The following EPS8L1 variants were observed in gnomAD, a reference collection of about 807,000 sequenced individuals.
The protein encoded by EPS8L1 is epidermal growth factor receptor kinase substrate 8-like protein 1.
EPS8L1 carries 101 observed loss-of-function variants against 91.7 expected under a neutral mutation model. The observed-to-expected ratio is 1.10, with a 90% CI of 0.94 to 1.30. The LOEUF (loss-of-function observed/expected upper bound fraction) is 1.30, where lower values mean the gene tolerates loss of function less well. Among genes scored for constraint, EPS8L1 ranks in the 50% most tolerant of loss-of-function variants. The pLI is 0.00. For missense variants in EPS8L1, 1,114 were observed against 1,017.0 expected (o/e 1.10, Z -1.30); for synonymous variants, 506 against 445.3 (o/e 1.14, Z -1.72).
chr19:55,080,688 G>A (rs2076236800), intron 6 of EPS8L1, 84 bp from the exon 7 acceptor site: 3 of 1,572,918 alleles, frequency 1.9e-6, no homozygotes, highest in Non-Finnish European at 2.6e-6. Context: ...GGCTGGGACT[G>A]AGCTGAAAAA....
At position 55,086,899 on chromosome 19, in the gene EPS8L1, C is replaced by T; in HGVS notation, c.1952+11C>T. On this transcript the variant is annotated intron_variant, in intron 18 of 19. Coordinates refer to ENST00000201647, the MANE Select transcript of EPS8L1 (RefSeq NM_133180.3). ...GGGCTTTAGCTCCGGGTGAGTGGGG[C>T]CGGGGCCCTCTCGGCGCGGGTTGAT... The T allele has an allele frequency of 2.1e-6, 3 of 1,419,316 alleles. No homozygotes were observed. The highest frequency in any genetic ancestry group is 2.7e-6 in the Non-Finnish European group (3 of 1,091,752). 87.9% of individuals were successfully genotyped at this position (1,419,316 alleles called of 1,614,324 possible). A position where few individuals can be genotyped will look rare whatever the true frequency, so the allele number is the denominator to read the frequency against.
At position 55,083,781 on chromosome 19, in the gene EPS8L1, G is replaced by A. The variant is rs2076324130; in HGVS notation, c.1385+137G>A. On this transcript the variant is annotated intron_variant, in intron 14 of 19. Transcript: ENST00000201647. This position sits in a 1 kb window ranked among gnomAD's most constrained non-coding sequence, Gnocchi z 4.7. Reference sequence around the variant, plus strand: ...GCTCTTCTCAGGTGGGTGAGATGGTGATGGGGCGGGCCGGGGCTGGGAGAG... The same window carrying A: ...GCTCTTCTCAGGTGGGTGAGATGGTAATGGGGCGGGCCGGGGCTGGGAGAG... The A allele has an allele frequency of 1.3e-6, 1 of 768,298 alleles. No individual in the cohort carries two copies. Among genetic ancestry groups the A allele is most frequent in the South Asian group, 1.4e-5 (1 of 70,520 alleles). 47.6% of individuals were successfully genotyped at this position (768,298 alleles called of 1,614,324 possible). A position where few individuals can be genotyped will look rare whatever the true frequency, so the allele number is the denominator to read the frequency against.
At chr19:55,080,021 C>G (rs1361923822) in intron 5 of EPS8L1, 108 bp from the exon 6 acceptor site, 1 of 1,441,928 alleles carries the variant, frequency 6.9e-7, no homozygotes, top group South Asian at 1.4e-5. Flanking sequence ...TTATCCCTAA[C>G]CCCCTAACCG....
At chr19:55,087,126 A>C (rs2076361259) in intron 18 of EPS8L1, 177 bp from the exon 19 acceptor site, 1 of 1,138,966 alleles carries the variant, frequency 8.8e-7, no homozygotes, top group African/African-American at 1.6e-5. Flanking sequence ...GGATGCGGCC[A>C]CGCCCCCCGG....
In EPS8L1 at chr19:55,083,180, G is replaced by A. The variant is rs2076307219; in HGVS notation, c.1215-198G>A. ...CAAAATGCTGGGATTACAGGCGTGA[G>A]CCACCGTGCCCGGTCTAGAAATATA... On this transcript the variant is annotated intron_variant, in intron 12 of 19. Coordinates refer to ENST00000201647, the MANE Select transcript of EPS8L1 (RefSeq NM_133180.3). This position sits in a 1 kb window ranked among gnomAD's most constrained non-coding sequence, Gnocchi z 4.7. Among the ~76,000 whole-genome samples the A allele has an allele frequency of 6.6e-6, 1 of 152,222 alleles. No homozygotes were observed. Among genetic ancestry groups the A allele is most frequent in the African/African-American group, 2.4e-5 (1 of 41,448 alleles).
chr19:55,080,349 TG>T (rs2076228430), intron 6 of EPS8L1, 71 bp downstream of exon 6: 1 of 1,504,688 alleles, frequency 6.6e-7, no homozygotes, highest in Non-Finnish European at 8.9e-7. Context: ...CGGAAATGGG[TG>T]GGGCCTCTAG....
chr19:55,084,457 T>C (rs1427566740), intron 14 of EPS8L1: 1 of 150,920 alleles, frequency 6.6e-6, no homozygotes, highest in Non-Finnish European at 1.5e-5. Context: ...CTTGAGCAAA[T>C]AGAGGGCAGA....
intron 2 of EPS8L1, among the ~76,000 whole-genome samples, chr19:55,077,684 G>A (rs2147124396): frequency 6.7e-6 from 1 of 148,456 alleles, no homozygotes; most frequent in Middle Eastern, 3.4e-3. Flanking sequence ...CGCCTCCCAG[G>A]TTCAAGTGAT....
chr19:55,086,634 C>CGCCCCCCCCCCCCCCCCCCCGG, intron 17 of EPS8L1, 80 bp from the exon 18 acceptor site: 1 of 1,374,858 alleles, frequency 7.3e-7, no homozygotes, highest in Non-Finnish European at 9.8e-7. Context: ...GACGCTGGAG[C>CGCCCCCCCCCCCCCCCCCCCGG]GCCCCCCCGC....
intron 14 of EPS8L1, 186 bp from the exon 15 acceptor site, chr19:55,085,655 G>A (rs2076345138): frequency 1.6e-6 from 1 of 636,932 alleles, no homozygotes; most frequent in Non-Finnish European, 2.6e-6. Context: ...ACAGCACAAT[G>A]CCAAGCAACG....
chr19:55,082,193 C>T lies in EPS8L1; in HGVS notation c.990+13C>T. 1.3e-6 allele frequency: 2 copies of T among 1,592,030 alleles called. No individual in the cohort carries two copies. Among genetic ancestry groups the T allele is most frequent in the Non-Finnish European group, 1.7e-6 (2 of 1,168,842 alleles). On this transcript the variant is annotated intron_variant, in intron 10 of 19. Coordinates refer to ENST00000201647, the MANE Select transcript of EPS8L1 (RefSeq NM_133180.3). ...CTTCAGCCTGCTGGTGAGGACGCGC[C>T]CGCCCCTGGGCCGGGGCGCGGGCAC...
chr19:55,079,166 G>T, intron 4 of EPS8L1, 109 bp downstream of exon 4: 1 of 1,201,028 alleles, frequency 8.3e-7, no homozygotes, highest in South Asian at 1.2e-5. Flanking sequence ...CATGTGGAAA[G>T]TCAGTTTGCC....
Position 55,086,165 on chromosome 19 carries a change from C to T in EPS8L1, c.1623C>T (p.His541=). Residue 541 remains histidine, a synonymous_variant, in exon 16 of 20, where the codon CAC becomes CAT. Coordinates refer to ENST00000201647, the MANE Select transcript of EPS8L1 (RefSeq NM_133180.3). ...ILTPYPGPRL[H]HSQSPARSLN... is the part of the protein sequence containing the mutation. The stretch of plus-strand genomic sequence containing the variant: ...CACCCTACCCCGGACCCCGGCTGCA[C>T]CACAGCCAAAGCCCTGCCCGCAGCC... 10 of 1,603,512 alleles carry T rather than the reference C, an allele frequency of 6.2e-6. No homozygotes were observed. The highest frequency in any genetic ancestry group is 7.7e-6 in the Non-Finnish European group (9 of 1,174,268).
At position 55,079,676 on chromosome 19, in the gene EPS8L1, A is replaced by G. The variant is rs374069141; in HGVS notation, c.118-14A>G. Reference sequence around the variant, plus strand: ...CATCTTGGGCCTCACTGCTTTCTCCATGGTCCGTACCAGCACCTGGTGACG... The same window carrying G: ...CATCTTGGGCCTCACTGCTTTCTCCGTGGTCCGTACCAGCACCTGGTGACG... On this transcript the variant is annotated splice_polypyrimidine_tract_variant and intron_variant, in intron 4 of 19. Coordinates refer to ENST00000201647, the MANE Select transcript of EPS8L1 (RefSeq NM_133180.3). The G allele has an allele frequency of 2.0e-5, 33 of 1,610,664 alleles. No individual in the cohort carries two copies. In the African/African-American group the frequency reaches 3.7e-4, roughly 18 times the overall value.
rs749255194 is a variant in EPS8L1 at position 55,080,162 on chromosome 19, G to A, written c.313G>A (p.Val105Met). The change falls in exon 6 of 20, where the codon GTG becomes ATG. Residue 105 changes from valine (V) to methionine (M), a missense_variant. By Grantham distance (21) the Val-to-Met change is conservative (BLOSUM62 1). Transcript: ENST00000201647. Reference protein sequence around the residue: ...ELESYPLGAIVRCDAVMPPGR... With the variant: ...ELESYPLGAIMRCDAVMPPGR... ...GGAGTCGTACCCACTGGGCGCCATC[G>A]TGCGCTGTGACGCGGTGATGCCACC... The A allele has an allele frequency of 9.2e-6, 14 of 1,526,450 alleles. No homozygotes were observed. Among genetic ancestry groups the A allele is most frequent in the African/African-American group, 4.1e-5 (3 of 72,456 alleles). The allele number at this position is 1,526,450 out of a possible 1,614,324, so 94.6% of individuals were successfully genotyped here.
intron 2 of EPS8L1, among the ~76,000 whole-genome samples, chr19:55,077,627 CTG>C (rs2076156469): frequency 1.6e-5 from 2 of 124,512 alleles, no homozygotes; most frequent in South Asian, 5.5e-4. Context: ...TCTCACTCTG[CTG>C]CCAGGCTGGA....
chr19:55,086,992 G>A, intron 18 of EPS8L1, 104 bp downstream of exon 18: 2 of 1,366,418 alleles, frequency 1.5e-6, no homozygotes, highest in Non-Finnish European at 1.9e-6. Context: ...GAGACCACAG[G>A]GAGCCGGGAT....
Position 55,082,140 on chromosome 19 carries a change from C to A in EPS8L1, c.950C>A (p.Thr317Asn), listed in dbSNP as rs373200328. 15 of 1,604,366 alleles carry A rather than the reference C, an allele frequency of 9.3e-6. No homozygotes were observed. The highest frequency in any genetic ancestry group is 1.3e-5 in the Non-Finnish European group (15 of 1,176,032). ...RAKPPSEAEYTDVLQKIKYAF... is the reference protein window; with the variant it reads ...RAKPPSEAEYNDVLQKIKYAF... ...AAGCCGCCCTCGGAGGCCGAGTACA[C>A]CGACGTGCTGCAGAAGATCAAGTAC... The change falls in exon 10 of 20, where the codon ACC (threonine) becomes AAC (asparagine). Residue 317 changes from threonine to asparagine, a missense_variant. Thr to Asn is a moderately conservative substitution (Grantham distance 65). Coordinates refer to ENST00000201647, the MANE Select transcript of EPS8L1 (RefSeq NM_133180.3).
Position 55,076,400 on chromosome 19 carries a change from G to A in EPS8L1, c.-37-8G>A. 6.2e-7 allele frequency: 1 copy of A among 1,608,256 alleles called. No homozygotes were observed. Among genetic ancestry groups the A allele is most frequent in the Non-Finnish European group, 8.5e-7 (1 of 1,177,140 alleles). Reference sequence around the variant, plus strand: ...TGGCCAGGCCTTCACATGTTTGCTGGCTCCCAGGGCACCTCCAGGTGGGCA... The same window carrying A: ...TGGCCAGGCCTTCACATGTTTGCTGACTCCCAGGGCACCTCCAGGTGGGCA... On this transcript the variant is annotated splice_region_variant and splice_polypyrimidine_tract_variant and intron_variant, in intron 1 of 19. Transcript: ENST00000201647.
Sources: gnomAD v4.1 joint callset for allele counts (sites outside exome capture counted in the v4.1 genomes callset) on GRCh38, gnomAD v4.1.1 for gene constraint, Gnocchi (gnomAD v3.1) non-coding constraint, MANE v1.5 for transcripts, NCBI Gene and HGNC (gene_info 2026-07-23, HGNC 2026-07-21) for gene names.